Variants in ZNF431 observed in about 807,000 individuals in gnomAD.
The protein encoded by ZNF431 is zinc finger protein 431.
A neutral mutation model predicts 57.0 loss-of-function variants in ZNF431; 34 were observed. That is an observed-to-expected ratio of 0.60 (90% CI 0.45 to 0.79). ZNF431 has a LOEUF of 0.79. Among genes scored for constraint, ZNF431 ranks in the 30% least tolerant of loss-of-function variants. ZNF431 has a pLI of 0.00. For missense variants in ZNF431, 607 were observed against 667.1 expected (o/e 0.91, Z 0.99); for synonymous variants, 207 against 220.3 (o/e 0.94, Z 0.54).
rs61125024 is a variant in ZNF431, at chr19:21,178,793, TTGTGTGTGTG to T, written c.320-3812_320-3803del. Among the ~76,000 whole-genome samples, 281 of 148,682 alleles carry T rather than the reference TTGTGTGTGTG, an allele frequency of 1.9e-3. 3 individuals carry two copies. The highest frequency in any genetic ancestry group is 6.0e-3 in the African/African-American group (244 of 40,396). On this transcript the variant is annotated intron_variant, in intron 4 of 4. Transcript: ENST00000311048. ...TTATCAGGAATATTGACTTGAAGGT[TTGTGTGTGTG>T]TGTGTGTGTGTGTGTGTTGTTGTTG...
At chr19:21,162,659 C>A in intron 2 of ZNF431, 1 of 943,922 alleles carries the variant, frequency 1.1e-6, no homozygotes, top group Non-Finnish European at 1.3e-6. Flanking sequence ...TGGAGTCTTG[C>A]ATCACAAAGC....
At position 21,193,030 on chromosome 19, in the gene ZNF431, T is replaced by C. The variant is rs985693871; in HGVS notation, c.*8996T>C. On this transcript the variant is annotated 3_prime_UTR_variant, in exon 5 of 5. Transcript: ENST00000311048. ...ATTAAACCAGGAAGGAACAGAACTC[T>C]TGAACAGGGCAAAAATGTATAAAAT... 2 of 152,156 alleles carry C rather than the reference T, an allele frequency of 1.3e-5. No individual in the cohort carries two copies. The highest frequency in any genetic ancestry group is 4.8e-5 in the African/African-American group (2 of 41,434). The allele number at this position is 152,156 out of a possible 1,614,324, so 9.4% of individuals were successfully genotyped here. A position where few individuals can be genotyped will look rare whatever the true frequency, so the allele number is the denominator to read the frequency against.
chr19:21,158,984 A>G (rs1970500270), intron 2 of ZNF431, among the ~76,000 whole-genome samples: 1 of 152,208 alleles, frequency 6.6e-6, no homozygotes, highest in Admixed American at 6.5e-5. Flanking sequence ...ATTTTGAAGT[A>G]TGTACCTTCA....
rs1971368929 is a variant in ZNF431, at chr19:21,186,091, T to C, written c.*2057T>C. ...TGAGGTCAGCAGTTCGAGACCAGCA[T>C]GGCCAATATGGAGAAATCCCGTCTC... On this transcript the variant is annotated 3_prime_UTR_variant, in exon 5 of 5. Coordinates refer to ENST00000311048, the MANE Select transcript of ZNF431 (RefSeq NM_133473.4). 1 of 151,968 alleles carries C rather than the reference T, an allele frequency of 6.6e-6. No homozygotes were observed. Among genetic ancestry groups the C allele is most frequent in the Non-Finnish European group, 1.5e-5 (1 of 67,994 alleles). 9.4% of individuals were successfully genotyped at this position (151,968 alleles called of 1,614,324 possible).
At chr19:21,149,974 A>G in intron 2 of ZNF431, 1 of 588,594 alleles carries the variant, frequency 1.7e-6, no homozygotes. Context: ...CATCATGCGC[A>G]ATCACCACCA....
At chr19:21,171,697 AAT>A (rs774316351) in intron 4 of ZNF431, among the ~76,000 whole-genome samples, 3 of 55,958 alleles carry the variant, frequency 5.4e-5, no homozygotes, top group South Asian at 6.2e-4. Flanking sequence ...TCTAATGATG[AAT>A]ATATATATAT....
chr19:21,157,543 CT>C (rs1237203394), intron 2 of ZNF431, among the ~76,000 whole-genome samples: 1 of 149,336 alleles, frequency 6.7e-6, no homozygotes, highest in Non-Finnish European at 1.5e-5. Flanking sequence ...ACTTTTTTTT[CT>C]TTTTTTTTAG....
intron 4 of ZNF431, chr19:21,169,774 T>C: frequency 2.5e-6 from 1 of 398,634 alleles, no homozygotes; most frequent in Non-Finnish European, 4.4e-6. Flanking sequence ...AGAGGATTTC[T>C]TCAGGTCACT....
In ZNF431 at chr19:21,187,882, A is replaced by T. The variant is rs908261642; in HGVS notation, c.*3848A>T. On this transcript the variant is annotated 3_prime_UTR_variant, in exon 5 of 5. Coordinates refer to ENST00000311048, the MANE Select transcript of ZNF431 (RefSeq NM_133473.4). ...TTGTCTTCATGCCATTTCATTTCAC[A>T]TGGTACTTTGTAGATTTTGATGAGG... The T allele has an allele frequency of 6.6e-6, 1 of 152,120 alleles. No individual in the cohort carries two copies. The highest frequency in any genetic ancestry group is 2.4e-5 in the African/African-American group (1 of 41,416). 9.4% of individuals were successfully genotyped at this position (152,120 alleles called of 1,614,324 possible). A position where few individuals can be genotyped will look rare whatever the true frequency, so the allele number is the denominator to read the frequency against.
intron 4 of ZNF431, among the ~76,000 whole-genome samples, chr19:21,176,181 G>A (rs961731633): frequency 1.3e-5 from 2 of 150,564 alleles, no homozygotes; most frequent in Non-Finnish European, 2.9e-5. Flanking sequence ...GATCACTGAT[G>A]TTGAGCTCCA....
In ZNF431 at chr19:21,189,165, A is replaced by T. The variant is rs780613693; in HGVS notation, c.*5131A>T. The stretch of plus-strand genomic sequence containing the variant: ...TATTTTGAAGTATATATATAGTTAA[A>T]TTATTATTTCTAGGTAATTAATAAT... On this transcript the variant is annotated 3_prime_UTR_variant, in exon 5 of 5. Coordinates refer to ENST00000311048, the MANE Select transcript of ZNF431 (RefSeq NM_133473.4). 1.1e-4 allele frequency: 16 copies of T among 152,176 alleles called. No individual in the cohort carries two copies. Among genetic ancestry groups the T allele is most frequent in the Non-Finnish European group, 2.2e-4 (15 of 68,040 alleles). The allele number at this position is 152,176 out of a possible 1,614,324, so 9.4% of individuals were successfully genotyped here. A position where few individuals can be genotyped will look rare whatever the true frequency, so the allele number is the denominator to read the frequency against.
chr19:21,169,104 G>A (rs1340477081), intron 4 of ZNF431, among the ~76,000 whole-genome samples: 2 of 151,706 alleles, frequency 1.3e-5, no homozygotes, highest in East Asian at 2.0e-4. Flanking sequence ...TTAGTAAGAC[G>A]GAATTTCACT....
chr19:21,144,535 A>T (rs1248392053), intron 2 of ZNF431, among the ~76,000 whole-genome samples: 1 of 152,142 alleles, frequency 6.6e-6, no homozygotes, highest in Non-Finnish European at 1.5e-5. Flanking sequence ...GGCATAAAAG[A>T]GGTGGGTTTT....
chr19:21,165,519 G>C (rs1197381528), intron 2 of ZNF431, among the ~76,000 whole-genome samples: 1 of 152,160 alleles, frequency 6.6e-6, no homozygotes, highest in Admixed American at 6.5e-5. Context: ...GTGTTCTTCT[G>C]TGTGCATCAG....
chr19:21,162,696 T>A, intron 2 of ZNF431: 1 of 985,254 alleles, frequency 1.0e-6, no homozygotes, highest in South Asian at 4.7e-5. Flanking sequence ...GAGTTTTTGC[T>A]GGTGAATCCT....
intron 2 of ZNF431, among the ~76,000 whole-genome samples, chr19:21,163,745 C>G (rs1454911956): frequency 1.3e-5 from 2 of 152,008 alleles, no homozygotes; most frequent in Non-Finnish European, 2.9e-5. Context: ...GTCTTGAACT[C>G]CAGACCTCAG....
intron 4 of ZNF431, among the ~76,000 whole-genome samples, chr19:21,177,168 C>G (rs1238289912): frequency 6.6e-6 from 1 of 152,094 alleles, no homozygotes; most frequent in Non-Finnish European, 1.5e-5. Context: ...TTTTGGGTTT[C>G]ACATTTAAGT....
At chr19:21,171,531 TTA>T (rs1179474597) in intron 4 of ZNF431, among the ~76,000 whole-genome samples, 1 of 151,914 alleles carries the variant, frequency 6.6e-6, no homozygotes, top group Non-Finnish European at 1.5e-5. Flanking sequence ...CACGATCAGA[TTA>T]TATGTGTGTG....
intron 2 of ZNF431, chr19:21,150,521 A>G (rs540926997): frequency 1.2e-5 from 2 of 172,592 alleles, no homozygotes; most frequent in African/African-American, 2.4e-5. Flanking sequence ...CCAGGAAAGC[A>G]TGTCGTTTTT....
Sources: gnomAD v4.1 joint callset for allele counts (sites outside exome capture counted in the v4.1 genomes callset) on GRCh38, gnomAD v4.1.1 for gene constraint, MANE v1.5 for transcripts, NCBI Gene and HGNC (gene_info 2026-07-23, HGNC 2026-07-21) for gene names.